PHLDB2: variants seen among roughly 807,000 people sequenced by gnomAD.
The protein encoded by PHLDB2 is pleckstrin homology-like domain family B member 2.
Under a neutral mutation model 123.6 loss-of-function variants are expected in PHLDB2, and 71 were observed. The ratio of observed to expected loss-of-function variants is 0.57; its 90% CI spans 0.47 to 0.70. PHLDB2 has a LOEUF of 0.70. Among genes scored for constraint, PHLDB2 ranks in the 30% least tolerant of loss-of-function variants. The pLI is 0.00. For missense variants in PHLDB2, 1,446 were observed against 1,519.5 expected (o/e 0.95, Z 0.80); for synonymous variants, 547 against 541.6 (o/e 1.01, Z -0.14).
intron 1 of PHLDB2, among the ~76,000 whole-genome samples, chr3:111,842,854 T>G (rs914152801): frequency 6.6e-6 from 1 of 152,232 alleles, no homozygotes; most frequent in African/African-American, 2.4e-5. Flanking sequence ...AATGTAATCA[T>G]GTAATATGTG....
rs904726403 is a variant in PHLDB2, at chr3:111,899,443, A to G, written c.1336-13876A>G. 2.0e-5 allele frequency among the ~76,000 whole-genome samples: 3 copies of G among 152,136 alleles called. No homozygotes were observed. The East Asian group carries it at 5.8e-4, about 29-fold the overall frequency. On this transcript the variant is annotated intron_variant, in intron 2 of 17. Coordinates refer to ENST00000431670, the MANE Select transcript of PHLDB2 (RefSeq NM_001134438.2). ...CTCTCCCCCACTTCCCCCAAGCAGT[A>G]ATATTTTTAAAGGAATTTTTTTTCC...
chr3:111,825,500 T>A (rs2062611395), intron 1 of PHLDB2, among the ~76,000 whole-genome samples: 1 of 152,244 alleles, frequency 6.6e-6, no homozygotes, highest in Non-Finnish European at 1.5e-5. Context: ...CAGGCTGGGG[T>A]GCAGTAGCAC....
chr3:111,780,294 AGAGGAAGAG>A (rs1559827028), intron 1 of PHLDB2, among the ~76,000 whole-genome samples: 5 of 4,680 alleles, frequency 1.1e-3, no homozygotes, highest in Admixed American at 2.9e-3. Context: ...AAGAAGAAGA[AGAGGAAGAG>A]GAAGAGGAAG....
At chr3:111,854,909 T>C (rs1289664921), upstream of PHLDB2, among the ~76,000 whole-genome samples, 1 of 152,168 alleles carries the variant, frequency 6.6e-6, no homozygotes, top group Non-Finnish European at 1.5e-5. Flanking sequence ...TGTAGGAGAA[T>C]TGAAGTCGAC....
chr3:111,801,718 C>G (rs1291934474), intron 1 of PHLDB2, among the ~76,000 whole-genome samples: 1 of 151,988 alleles, frequency 6.6e-6, no homozygotes, highest in African/African-American at 2.4e-5. Flanking sequence ...AAATATTATG[C>G]TAAGTGAAAG....
At chr3:111,888,737 A>G (rs1413437637) in intron 2 of PHLDB2, among the ~76,000 whole-genome samples, 4 of 152,204 alleles carry the variant, frequency 2.6e-5, no homozygotes, top group African/African-American at 9.6e-5. Context: ...CTTGTCATAT[A>G]TTACATTTTT....
intron 2 of PHLDB2, among the ~76,000 whole-genome samples, chr3:111,891,072 T>C (rs947590578): frequency 1.3e-5 from 2 of 152,040 alleles, no homozygotes; most frequent in African/African-American, 4.8e-5. Context: ...TTTGGACTGG[T>C]TGGTGGTCAT....
chr3:111,869,196 A>G (rs564644032), intron 1 of PHLDB2, among the ~76,000 whole-genome samples: 19 of 152,122 alleles, frequency 1.2e-4, no homozygotes, highest in African/African-American at 1.9e-4. Flanking sequence ...TCAGACTTCA[A>G]TACAGCTAGG....
intron 5 of PHLDB2, among the ~76,000 whole-genome samples, chr3:111,924,675 A>G (rs2068715773): frequency 1.3e-5 from 2 of 152,282 alleles, no homozygotes; most frequent in African/African-American, 4.8e-5. Flanking sequence ...TGGAATGAGA[A>G]AAGCAAAACC....
upstream of PHLDB2, among the ~76,000 whole-genome samples, chr3:111,855,590 T>C (rs931505833): frequency 4.0e-5 from 6 of 151,474 alleles, no homozygotes; most frequent in African/African-American, 1.5e-4. Context: ...AGTTGCACTT[T>C]ATTGAGTGCT....
At chr3:111,972,586 A>G (rs1225520191) in intron 16 of PHLDB2, among the ~76,000 whole-genome samples, 1 of 102,718 alleles carries the variant, frequency 9.7e-6, no homozygotes, top group Non-Finnish European at 2.4e-5. Context: ...TATATGTTTC[A>G]GTATGTATAT....
At chr3:111,735,071 C>G (rs1941641115) in intron 1 of PHLDB2, among the ~76,000 whole-genome samples, 1 of 152,178 alleles carries the variant, frequency 6.6e-6, no homozygotes, top group Non-Finnish European at 1.5e-5. Flanking sequence ...ACTGTAGACT[C>G]AAATTCTGAG....
chr3:111,899,274 T>A (rs2067052057), intron 2 of PHLDB2, among the ~76,000 whole-genome samples: 1 of 152,200 alleles, frequency 6.6e-6, no homozygotes, highest in Admixed American at 6.5e-5. Flanking sequence ...CATATATTTT[T>A]AAATTTATTT....
chr3:111,767,641 G>A (rs994871276), intron 1 of PHLDB2, among the ~76,000 whole-genome samples: 1 of 152,108 alleles, frequency 6.6e-6, no homozygotes, highest in East Asian at 1.9e-4. Context: ...TTCCTCTGAA[G>A]TACTTAAAAC....
At chr3:111,948,124 C>T (rs1246636353) in intron 9 of PHLDB2, among the ~76,000 whole-genome samples, 1 of 152,112 alleles carries the variant, frequency 6.6e-6, no homozygotes, top group Non-Finnish European at 1.5e-5. Context: ...TAAGCTGAAG[C>T]CAGAACTGAA....
intron 10 of PHLDB2, among the ~76,000 whole-genome samples, chr3:111,951,905 C>G (rs1476920834): frequency 6.6e-6 from 1 of 151,814 alleles, no homozygotes; most frequent in African/African-American, 2.4e-5. Flanking sequence ...TAGGGTGAGG[C>G]CAAGAAAAAT....
At chr3:111,876,596 G>T (rs1011661106) in intron 1 of PHLDB2, among the ~76,000 whole-genome samples, 2 of 152,076 alleles carry the variant, frequency 1.3e-5, no homozygotes, top group Admixed American at 6.5e-5. Flanking sequence ...TATACTTTAA[G>T]TTCTGGGGTA....
At chr3:111,865,917 T>A (rs890418141) in intron 1 of PHLDB2, among the ~76,000 whole-genome samples, 1 of 151,692 alleles carries the variant, frequency 6.6e-6, no homozygotes, top group Non-Finnish European at 1.5e-5. Context: ...TTTATAATAC[T>A]CATTCTGCAC....
chr3:111,935,394 C>T (rs928252616), intron 6 of PHLDB2, among the ~76,000 whole-genome samples: 3 of 152,014 alleles, frequency 2.0e-5, no homozygotes, highest in Non-Finnish European at 4.4e-5. Flanking sequence ...TAGTCTTGGA[C>T]AAGTCATTCA....
Sources: gnomAD v4.1 joint callset for allele counts (sites outside exome capture counted in the v4.1 genomes callset) on GRCh38, gnomAD v4.1.1 for gene constraint, MANE v1.5 for transcripts, NCBI Gene and HGNC (gene_info 2026-07-23, HGNC 2026-07-21) for gene names.